The following NBAS variants were observed in gnomAD, a reference collection of about 807,000 sequenced individuals.
NBAS encodes the protein NAG/BC035112 fusion.
A neutral mutation model predicts 302.5 loss-of-function variants in NBAS; 219 were observed. The ratio of observed to expected loss-of-function variants is 0.72; its 90% confidence interval spans 0.65 to 0.81. The LOEUF is 0.81. Ranked by LOEUF, NBAS falls within the 30% of genes least tolerant of loss-of-function variation. The probability of loss-of-function intolerance (pLI) is 0.00; values close to 1 mark genes in which losing one functional copy is unlikely to be tolerated. For missense variants in NBAS, 2,932 were observed against 2,841.6 expected (o/e 1.03, Z -0.72); for synonymous variants, 1,118 against 1,021.6 (o/e 1.09, Z -1.80).
At chr2:15,214,867 GT>G (rs1019116784) in intron 48 of NBAS, among the ~76,000 whole-genome samples, 1 of 152,146 alleles carries the variant, frequency 6.6e-6, no homozygotes, top group African/African-American at 2.4e-5. Context: ...TTGTAATGAG[GT>G]TAGATTGTCT....
chr2:15,081,482 G>A, the NBAS span, among the ~76,000 whole-genome samples: 6 of 152,130 alleles, frequency 3.9e-5, no homozygotes, highest in Admixed American at 3.9e-4. Flanking sequence ...GAACAGTCCA[G>A]TGTATCCAGC....
chr2:14,849,489 A>G, the NBAS span, among the ~76,000 whole-genome samples: 1 of 151,898 alleles, frequency 6.6e-6, no homozygotes, highest in South Asian at 2.1e-4. Context: ...GAATGGAACC[A>G]AGTTGGAAAA....
chr2:15,369,107 T>C (rs1382819958), intron 31 of NBAS, among the ~76,000 whole-genome samples: 1 of 152,224 alleles, frequency 6.6e-6, no homozygotes, highest in East Asian at 1.9e-4. Context: ...ATAGGTACTT[T>C]TAACACATTT....
the NBAS span, among the ~76,000 whole-genome samples, chr2:14,815,284 A>G: frequency 6.6e-6 from 1 of 152,238 alleles, no homozygotes; most frequent in African/African-American, 2.4e-5. Context: ...CACTCAAAAT[A>G]CTAGTGTGAA....
the NBAS span, among the ~76,000 whole-genome samples, chr2:14,796,865 G>T: frequency 6.8e-6 from 1 of 147,154 alleles, no homozygotes; most frequent in African/African-American, 2.5e-5. Flanking sequence ...ACCCAGACTC[G>T]AGATGGAGAC....
chr2:15,301,333 T>C (rs528293793), intron 40 of NBAS, among the ~76,000 whole-genome samples: 1 of 152,308 alleles, frequency 6.6e-6, no homozygotes, highest in East Asian at 1.9e-4. Context: ...TTCTGAGAAA[T>C]GAGGTTGCTC....
chr2:15,398,882 T>C (rs1349385444), intron 26 of NBAS, among the ~76,000 whole-genome samples: 1 of 152,198 alleles, frequency 6.6e-6, no homozygotes, highest in Non-Finnish European at 1.5e-5. Context: ...TATCAAGTCA[T>C]TTTTTGTGTT....
intron 42 of NBAS, among the ~76,000 whole-genome samples, chr2:15,283,562 G>T (rs1412253446): frequency 1.3e-5 from 2 of 152,144 alleles, no homozygotes; most frequent in African/African-American, 4.8e-5. Flanking sequence ...CGCCATGATT[G>T]TAAGTTTCCT....
rs535522884 is a variant in NBAS at position 15,467,934 on chromosome 2, T to A, written c.1878-130A>T. ...ACAGAAGAAAGTATTTGAAAAAAACTTTTGCCATTGTAAACAAAGTGATCA... is the reference window on the plus strand; with the variant it reads ...ACAGAAGAAAGTATTTGAAAAAAACATTTGCCATTGTAAACAAAGTGATCA... On this transcript the variant is annotated intron_variant, in intron 17 of 51. Transcript: ENST00000281513. The A allele has an allele frequency of 5.7e-6, 5 of 873,214 alleles. No individual in the cohort carries two copies. The African/African-American group carries it at 8.5e-5, about 15-fold the overall frequency. The allele number at this position is 873,214 out of a possible 1,614,324, so 54.1% of individuals were successfully genotyped here. A position where few individuals can be genotyped will look rare whatever the true frequency, so the allele number is the denominator to read the frequency against.
At chr2:15,390,572 C>G (rs147389699) in intron 28 of NBAS, among the ~76,000 whole-genome samples, 1 of 151,178 alleles carries the variant, frequency 6.6e-6, no homozygotes, top group African/African-American at 2.4e-5. Flanking sequence ...TATGGGATCA[C>G]GCTAAAAGAG....
intron 42 of NBAS, among the ~76,000 whole-genome samples, chr2:15,277,908 T>A (rs1383686844): frequency 6.6e-6 from 1 of 152,166 alleles, no homozygotes; most frequent in Non-Finnish European, 1.5e-5. Flanking sequence ...GTAATCTCAA[T>A]GCCCCTTACG....
chr2:15,300,306 C>T (rs1316547054), intron 40 of NBAS, among the ~76,000 whole-genome samples: 10 of 152,182 alleles, frequency 6.6e-5, no homozygotes, highest in Admixed American at 5.9e-4. Flanking sequence ...CTAAGCTTCA[C>T]TGGGTGTTAT....
At chr2:15,431,572 A>C (rs1037797065) in intron 21 of NBAS, among the ~76,000 whole-genome samples, 4 of 152,200 alleles carry the variant, frequency 2.6e-5, no homozygotes, top group Admixed American at 6.5e-5. Context: ...AGGTTGAATT[A>C]ATTGACAACA....
intron 44 of NBAS, among the ~76,000 whole-genome samples, chr2:15,248,499 T>C (rs555943637): frequency 9.2e-5 from 14 of 152,180 alleles, no homozygotes; most frequent in African/African-American, 3.4e-4. Flanking sequence ...CAAAAAACCC[T>C]TCAAAAAATC....
chr2:15,226,433 C>T (rs1003371908), intron 47 of NBAS, among the ~76,000 whole-genome samples: 6 of 151,972 alleles, frequency 3.9e-5, no homozygotes, highest in Non-Finnish European at 7.4e-5. Flanking sequence ...ATTCTTAACA[C>T]GAACTAGAAA....
intron 47 of NBAS, among the ~76,000 whole-genome samples, chr2:15,221,373 T>C (rs930653760): frequency 1.3e-5 from 2 of 152,216 alleles, no homozygotes; most frequent in Non-Finnish European, 2.9e-5. Flanking sequence ...TAGCAAATTA[T>C]GTGGTACAGA....
chr2:15,032,569 A>G, the NBAS span, among the ~76,000 whole-genome samples: 1 of 152,234 alleles, frequency 6.6e-6, no homozygotes, highest in African/African-American at 2.4e-5. Context: ...AGAGGGTAAT[A>G]ACCTGAAGAC....
At chr2:15,330,954 C>T (rs1257619124) in intron 35 of NBAS, among the ~76,000 whole-genome samples, 189 bp from the exon 36 acceptor site, 3 of 152,230 alleles carry the variant, frequency 2.0e-5, no homozygotes, top group Middle Eastern at 3.4e-3. Flanking sequence ...GTTCCTCTCT[C>T]AATCATTTGC....
chr2:15,554,015 A>C (rs754479923), intron 4 of NBAS, 46 bp downstream of exon 4: 7 of 1,516,730 alleles, frequency 4.6e-6, no homozygotes, highest in Non-Finnish European at 6.4e-6. Flanking sequence ...AATGAAATGT[A>C]AAAGCTAATC....
Sources: gnomAD v4.1 joint callset for allele counts (sites outside exome capture counted in the v4.1 genomes callset) on GRCh38, gnomAD v4.1.1 for gene constraint, MANE v1.5 for transcripts, NCBI Gene and HGNC (gene_info 2026-07-23, HGNC 2026-07-21) for gene names.